The following FTO variants were observed in gnomAD, a reference collection of about 807,000 sequenced individuals.
The protein encoded by FTO is FTO alpha-ketoglutarate dependent dioxygenase, also known as alpha-ketoglutarate-dependent dioxygenase FTO.
A neutral mutation model predicts 63.9 loss-of-function variants in FTO; 47 were observed. That is an observed-to-expected ratio of 0.74 (90% CI 0.58 to 0.94). The LOEUF (loss-of-function observed/expected upper bound fraction) is 0.94. Ranked by LOEUF, FTO falls within the 40% of genes least tolerant of loss-of-function variation. The probability of loss-of-function intolerance (pLI) is 0.00; values close to 1 mark genes in which losing one functional copy is unlikely to be tolerated. For missense variants in FTO, 562 were observed against 618.1 expected (o/e 0.91, Z 0.96); for synonymous variants, 207 against 224.4 (o/e 0.92, Z 0.69).
chr16:54,028,186 T>C (rs529482078), intron 8 of FTO, among the ~76,000 whole-genome samples: 29 of 152,318 alleles, frequency 1.9e-4, no homozygotes, highest in African/African-American at 6.5e-4. Context: ...CTGTCATTAG[T>C]TGACAGTCGC....
intron 1 of FTO, among the ~76,000 whole-genome samples, chr16:53,789,767 T>TATACAC (rs144269494): frequency 0.058 from 8,529 of 147,668 alleles, 824 homozygotes; most frequent in African/African-American, 0.2. Flanking sequence ...TATATATATA[T>TATACAC]ACACACACAC....
chr16:53,975,955 T>G (rs561815818), intron 8 of FTO, among the ~76,000 whole-genome samples: 2 of 152,236 alleles, frequency 1.3e-5, no homozygotes, highest in South Asian at 2.1e-4. Context: ...TAAGTAAGTA[T>G]CAGAACCAGG....
chr16:53,942,669 T>C (rs76100447), intron 8 of FTO, among the ~76,000 whole-genome samples: 200 of 152,336 alleles, frequency 1.3e-3, no homozygotes, highest in Admixed American at 3.3e-3. Context: ...TTATGAACTT[T>C]AGCGTTGGTG....
chr16:54,021,709 C>G (rs760543855), intron 8 of FTO, among the ~76,000 whole-genome samples: 1 of 152,060 alleles, frequency 6.6e-6, no homozygotes, highest in Non-Finnish European at 1.5e-5. Flanking sequence ...AGGCTGGTCT[C>G]GAACTCCTGA....
intron 8 of FTO, among the ~76,000 whole-genome samples, chr16:53,955,787 T>G (rs569369667): frequency 6.6e-6 from 1 of 152,188 alleles, no homozygotes; most frequent in Non-Finnish European, 1.5e-5. Context: ...CTCTTTGAAA[T>G]AAGTAGTCAG....
At chr16:53,842,695 G>T (rs7204060) in intron 3 of FTO, among the ~76,000 whole-genome samples, 71,196 of 151,852 alleles carry the variant, frequency 0.47, 17,240 homozygotes, top group Admixed American at 0.56. Context: ...TTATTTTGAG[G>T]CAGGGCCTCA....
chr16:54,022,063 A>G (rs2084614429), intron 8 of FTO, among the ~76,000 whole-genome samples: 1 of 152,170 alleles, frequency 6.6e-6, no homozygotes, highest in East Asian at 1.9e-4. Context: ...GTGGGCTACC[A>G]TTATATCAGT....
At chr16:53,868,749 A>T (rs1175596458) in intron 4 of FTO, among the ~76,000 whole-genome samples, 1 of 151,980 alleles carries the variant, frequency 6.6e-6, no homozygotes, top group South Asian at 2.1e-4. Flanking sequence ...CTTCTGACAA[A>T]TTTCTTGCAA....
At chr16:53,856,523 G>C (rs1341758805) in intron 4 of FTO, among the ~76,000 whole-genome samples, 2 of 152,106 alleles carry the variant, frequency 1.3e-5, no homozygotes, top group African/African-American at 2.4e-5. Flanking sequence ...ACCGAGGCAG[G>C]TGGATCACTT....
At chr16:53,789,197 A>G (rs2077830355) in intron 1 of FTO, among the ~76,000 whole-genome samples, 1 of 152,200 alleles carries the variant, frequency 6.6e-6, no homozygotes, top group Non-Finnish European at 1.5e-5. Context: ...TGTCTAATAT[A>G]ATAACAGAGC....
At chr16:53,787,807 G>C (rs918368001) in intron 1 of FTO, among the ~76,000 whole-genome samples, 3 of 152,186 alleles carry the variant, frequency 2.0e-5, no homozygotes, top group Admixed American at 6.5e-5. Flanking sequence ...AGGCAAATGA[G>C]CGTAGACTCC....
intron 8 of FTO, among the ~76,000 whole-genome samples, chr16:54,106,258 T>A (rs2086749044): frequency 6.6e-6 from 1 of 151,952 alleles, no homozygotes; most frequent in Non-Finnish European, 1.5e-5. Flanking sequence ...AGTTACACCT[T>A]GGTCAGGAGG....
At chr16:54,054,695 C>T (rs150585210) in intron 8 of FTO, 128 of 152,160 alleles carry the variant, frequency 8.4e-4, no homozygotes, top group African/African-American at 2.9e-3. Context: ...TGCTTAGCAA[C>T]GGTGCCTGAA....
At chr16:53,742,715 A>G (rs1296277393) in intron 1 of FTO, among the ~76,000 whole-genome samples, 3 of 152,230 alleles carry the variant, frequency 2.0e-5, no homozygotes, top group Non-Finnish European at 4.4e-5. Flanking sequence ...TTTTATTTAC[A>G]TGCAGTATCT....
At chr16:54,010,161 C>G (rs747446465) in intron 8 of FTO, among the ~76,000 whole-genome samples, 1 of 152,098 alleles carries the variant, frequency 6.6e-6, no homozygotes, top group Non-Finnish European at 1.5e-5. Context: ...CGACTGTAAT[C>G]CCAGCACTTT....
At chr16:53,893,326 C>T (rs895077596) in intron 7 of FTO, among the ~76,000 whole-genome samples, 1 of 152,058 alleles carries the variant, frequency 6.6e-6, no homozygotes, top group African/African-American at 2.4e-5. Flanking sequence ...CTTCCTACCC[C>T]CACCGCCCCT....
chr16:53,976,670 G>T (rs2083444721), intron 8 of FTO, among the ~76,000 whole-genome samples: 1 of 151,994 alleles, frequency 6.6e-6, no homozygotes, highest in African/African-American at 2.4e-5. Flanking sequence ...ATATGTTGGA[G>T]AATTTTTTAA....
Position 54,112,761 on chromosome 16 carries a change from C to CT in FTO, c.*848dup, listed in dbSNP as rs2086917133. ...TGATATCCTGTCTTTAGGGAGTTCC[C>CT]TTGATCTCTTGAAAGAGACACAGCC... On this transcript the variant is annotated 3_prime_UTR_variant, in exon 9 of 9. Coordinates refer to ENST00000471389, the MANE Select transcript of FTO (RefSeq NM_001080432.3). 3 of 152,304 alleles carry CT rather than the reference C, an allele frequency of 2.0e-5. 1 individual carries two copies. The South Asian group carries it at 6.2e-4, about 32-fold the overall frequency. 9.4% of individuals were successfully genotyped at this position (152,304 alleles called of 1,614,324 possible).
In FTO at chr16:53,929,755, G is replaced by A. The variant is rs181221728; in HGVS notation, c.1240-4230G>A. Among the ~76,000 whole-genome samples the A allele has an allele frequency of 3.7e-4, 56 of 152,270 alleles. No individual in the cohort carries two copies. The East Asian group carries it at 0.01, about 28-fold the overall frequency. Reference sequence around the variant, plus strand: ...CAGTGCCTTGGGGCTTTGAGAAGATGCCCCAAAACAAAGGGAGGACTTCTA... The same window carrying A: ...CAGTGCCTTGGGGCTTTGAGAAGATACCCCAAAACAAAGGGAGGACTTCTA... On this transcript the variant is annotated intron_variant, in intron 7 of 8. Transcript: ENST00000471389.
Sources: gnomAD v4.1 joint callset for allele counts (sites outside exome capture counted in the v4.1 genomes callset) on GRCh38, gnomAD v4.1.1 for gene constraint, MANE v1.5 for transcripts, NCBI Gene and HGNC (gene_info 2026-07-23, HGNC 2026-07-21) for gene names.